Variants in STAT5B observed in about 807,000 individuals in gnomAD.
STAT5B encodes transcription factor STAT5B.
STAT5B carries 21 observed loss-of-function variants against 107.8 expected under a neutral mutation model. The observed-to-expected ratio is 0.19, with a 90% CI of 0.14 to 0.28. The LOEUF (loss-of-function observed/expected upper bound fraction) is 0.28. Ranked by LOEUF, STAT5B falls within the 10% of genes least tolerant of loss-of-function variation. The pLI is 1.00. For synonymous variants in STAT5B, 325 were observed against 401.7 expected (o/e 0.81, Z 2.28); for missense variants, 565 against 1,008.2 (o/e 0.56, Z 5.95).
At chr17:42,262,776 GTATATATATACACATATATA>G (rs2080612566) in intron 1 of STAT5B, among the ~76,000 whole-genome samples, 1 of 126,192 alleles carries the variant, frequency 7.9e-6, no homozygotes, top group Non-Finnish European at 1.6e-5. Context: ...ATACATATAT[GTATATATATACACATATATA>G]TGTGTGTATA....
rs1181751966 is a variant in STAT5B, at chr17:42,247,359, T to C, written c.-10-15222A>G. Among the ~76,000 whole-genome samples, 9 of 152,366 alleles carry C rather than the reference T, an allele frequency of 5.9e-5. 1 individual carries two copies. The South Asian group carries it at 1.7e-3, about 28-fold the overall frequency. On this transcript the variant is annotated intron_variant, in intron 1 of 18. Transcript: ENST00000293328. ...GTAGCTGTGTTCTCTTAATTTGCCA[T>C]GAATTAAAATGTTTCATTTTTACTT...
At chr17:42,263,837 T>C (rs1001453512) in intron 1 of STAT5B, among the ~76,000 whole-genome samples, 4 of 150,288 alleles carry the variant, frequency 2.7e-5, no homozygotes, top group African/African-American at 9.8e-5. Flanking sequence ...ATAATCTGTT[T>C]ATTATAGAAA....
At chr17:42,253,107 CCTTT>C (rs3048166) in intron 1 of STAT5B, among the ~76,000 whole-genome samples, 43,513 of 148,396 alleles carry the variant, frequency 0.29, 6,388 homozygotes, top group South Asian at 0.41. Flanking sequence ...AGACGTTGAA[CCTTT>C]CTTTCTTTCT....
At chr17:42,238,864 T>C (rs1448375082) in intron 1 of STAT5B, among the ~76,000 whole-genome samples, 1 of 151,072 alleles carries the variant, frequency 6.6e-6, no homozygotes, top group Non-Finnish European at 1.5e-5. Context: ...CATCTTTGAA[T>C]GAAAGAATGG....
upstream of STAT5B, among the ~76,000 whole-genome samples, chr17:42,277,779 G>A (rs1282696839): frequency 6.9e-6 from 1 of 144,308 alleles, no homozygotes; most frequent in African/African-American, 2.6e-5. Flanking sequence ...TTTTTGAGAC[G>A]GAGTCTCTCT....
At position 42,250,546 on chromosome 17, in the gene STAT5B, T is replaced by C. The variant is rs546860316; in HGVS notation, c.-10-18409A>G. ...ACTAGCAGCAGTAGTAATAGAATTATAATAACAGTAGTAGTAATAAATATT... is the reference window on the plus strand; with the variant it reads ...ACTAGCAGCAGTAGTAATAGAATTACAATAACAGTAGTAGTAATAAATATT... On this transcript the variant is annotated intron_variant, in intron 1 of 18. Transcript: ENST00000293328. Among the ~76,000 whole-genome samples, 83 of 152,282 alleles carry C rather than the reference T, an allele frequency of 5.5e-4. 1 individual carries two copies. The South Asian group carries it at 0.017, about 31-fold the overall frequency.
At chr17:42,276,835 A>G (rs149727202), upstream of STAT5B, 2,886 of 152,276 alleles carry the variant, frequency 0.019, 35 homozygotes, top group South Asian at 0.032. This position sits in a 1 kb window ranked among gnomAD's most constrained non-coding sequence, Gnocchi z 4.8. Flanking sequence ...TCTCCCGCCG[A>G]GGCCGAGGTC....
chr17:42,265,477 C>T (rs537250055), intron 1 of STAT5B, among the ~76,000 whole-genome samples: 2 of 151,146 alleles, frequency 1.3e-5, no homozygotes, highest in South Asian at 2.1e-4. Context: ...CTCAGCCTCC[C>T]GAGTAGCTGG....
At chr17:42,287,371 G>A in the STAT5B span, among the ~76,000 whole-genome samples, 3 of 151,826 alleles carry the variant, frequency 2.0e-5, no homozygotes, top group African/African-American at 7.3e-5. Context: ...CAGCTGTGCT[G>A]TGAGTGGGCA....
At chr17:42,253,567 G>GA in intron 1 of STAT5B, among the ~76,000 whole-genome samples, 1 of 152,328 alleles carries the variant, frequency 6.6e-6, no homozygotes, top group East Asian at 1.9e-4. Flanking sequence ...AGGAAGGACT[G>GA]AAAGAGTCTC....
chr17:42,276,060 CA>C lies in STAT5B; in HGVS notation c.-11+187del, dbSNP rs1311426715. Among the ~76,000 whole-genome samples, 1 of 151,430 alleles carries C rather than the reference CA, an allele frequency of 6.6e-6. No homozygotes were observed. Among genetic ancestry groups the C allele is most frequent in the African/African-American group, 2.4e-5 (1 of 41,380 alleles). On this transcript the variant is annotated intron_variant, in intron 1 of 18. Coordinates refer to ENST00000293328, the MANE Select transcript of STAT5B (RefSeq NM_012448.4). The surrounding 1 kb of genome is among the most constrained non-coding windows in gnomAD (Gnocchi z 4.8). ...CCCGCATTGCCCTCAGCCTCCCCGG[CA>C]GCCAACCCGGACCCCCTCTCCCCGC...
rs112650338 is a variant in STAT5B at position 42,217,625 on chromosome 17, G to A, written c.1170-161C>T. 2,907 of 725,046 alleles carry A rather than the reference G, an allele frequency of 4.0e-3. 17 individuals carry two copies. The highest frequency in any genetic ancestry group is 5.0e-3 in the Non-Finnish European group (2,091 of 417,956). The allele number at this position is 725,046 out of a possible 1,614,324, so 44.9% of individuals were successfully genotyped here. ...CATAACACATACATGTAATCTTCTC[G>A]GACGTATCTCTACAAAATGAAACAA... On this transcript the variant is annotated intron_variant, in intron 9 of 18. Coordinates refer to ENST00000293328, the MANE Select transcript of STAT5B (RefSeq NM_012448.4).
intron 1 of STAT5B, among the ~76,000 whole-genome samples, chr17:42,233,559 CA>C: frequency 6.6e-6 from 1 of 151,582 alleles, no homozygotes; most frequent in South Asian, 2.1e-4. Context: ...GACGCGATCT[CA>C]GCTCACTGCT....
Position 42,210,710 on chromosome 17 carries a change from A to G in STAT5B, c.1681-213T>C, listed in dbSNP as rs1235385228. On this transcript the variant is annotated intron_variant, in intron 13 of 18. Transcript: ENST00000293328. ...TACCAAACTGCAGTTACCAGCACCCAGTGGGCTCCTGCTACAGACACTTTC... is the reference window on the plus strand; with the variant it reads ...TACCAAACTGCAGTTACCAGCACCCGGTGGGCTCCTGCTACAGACACTTTC... The G allele has an allele frequency of 3.5e-5, 19 of 549,268 alleles. No homozygotes were observed. The East Asian group carries it at 6.6e-4, about 19-fold the overall frequency. The allele number at this position is 549,268 out of a possible 1,614,324, so 34.0% of individuals were successfully genotyped here.
At chr17:42,262,744 G>GTATATA (rs202099903) in intron 1 of STAT5B, among the ~76,000 whole-genome samples, 14 of 108,886 alleles carry the variant, frequency 1.3e-4, no homozygotes, top group Admixed American at 8.0e-4. Context: ...AGCAGAGTGT[G>GTATATA]TATATATATG....
At chr17:42,236,388 A>C (rs953173060) in intron 1 of STAT5B, among the ~76,000 whole-genome samples, 2 of 152,224 alleles carry the variant, frequency 1.3e-5, no homozygotes, top group Admixed American at 1.3e-4. Flanking sequence ...TTTAGGAAAA[A>C]ACCAACTGTT....
intron 4 of STAT5B, 40 bp from the exon 5 acceptor site, chr17:42,223,596 G>C: frequency 6.2e-7 from 1 of 1,607,104 alleles, no homozygotes; most frequent in Non-Finnish European, 8.5e-7. Context: ...AGTGCGAATG[G>C]GAGGAAGACT....
intron 13 of STAT5B, among the ~76,000 whole-genome samples, chr17:42,211,687 C>T (rs2080131013): frequency 6.6e-6 from 1 of 152,064 alleles, no homozygotes; most frequent in Non-Finnish European, 1.5e-5. Flanking sequence ...GTTCGCATCC[C>T]CTCAAAAGCT....
rs1356612384 is a variant in STAT5B, at chr17:42,219,515, G to A, written c.682-52C>T. 4.2e-6 allele frequency: 5 copies of A among 1,181,138 alleles called. No homozygotes were observed. The Admixed American group carries it at 1.2e-4, about 29-fold the overall frequency. 73.2% of individuals were successfully genotyped at this position (1,181,138 alleles called of 1,614,324 possible). On this transcript the variant is annotated intron_variant, in intron 6 of 18. Transcript: ENST00000293328. ...TTCTGGGCTCCCAGAGAACACCGCA[G>A]GGCCTCGCTGGGAAATGGCAGGGCA...
Sources: allele counts gnomAD v4.1 joint callset (sites outside exome capture counted in the v4.1 genomes callset), GRCh38; gene constraint gnomAD v4.1.1; non-coding constraint Gnocchi (gnomAD v3.1); transcripts MANE v1.5; gene names NCBI Gene and HGNC (gene_info 2026-07-23, HGNC 2026-07-21).